OR8B2: variants seen among roughly 807,000 people sequenced by gnomAD.
The protein encoded by OR8B2 is olfactory receptor family 8 subfamily B member 2, also known as olfactory receptor 8B2.
For missense variants in OR8B2, 304 were observed against 379.6 expected (o/e 0.80, Z 1.65); for synonymous variants, 98 against 138.2 (o/e 0.71, Z 2.04).
At chr11:124,390,608 AT>A in the OR8B2 span, among the ~76,000 whole-genome samples, 1 of 152,138 alleles carries the variant, frequency 6.6e-6, no homozygotes, top group Non-Finnish European at 1.5e-5. Flanking sequence ...ATTAAATGGT[AT>A]TTTTTGATAT....
chr11:124,386,223 T>A (rs1393047175), upstream of OR8B2, among the ~76,000 whole-genome samples: 1 of 151,910 alleles, frequency 6.6e-6, no homozygotes, highest in Admixed American at 6.6e-5. Flanking sequence ...TATATATTTA[T>A]TTATTTTTTT....
chr11:124,389,386 C>T (rs895121024), upstream of OR8B2, among the ~76,000 whole-genome samples: 2 of 152,062 alleles, frequency 1.3e-5, no homozygotes, highest in African/African-American at 2.4e-5. Context: ...GGGGTTCTTT[C>T]CATTTAAGTG....
Position 124,383,331 on chromosome 11 carries a change from T to G in OR8B2, c.13A>C (p.Asn5His). Reference sequence around the variant, plus strand: ...ATAAATTCAGTCACTAAGGAGTTGTTTCTAGCCAGCATTTTTTGTCTTCAA... The same window carrying G: ...ATAAATTCAGTCACTAAGGAGTTGTGTCTAGCCAGCATTTTTTGTCTTCAA... MLAR[N>H]NSLVTEFILA... The change falls in exon 2 of 2, where the codon AAC (asparagine) becomes CAC (histidine). Residue 5 changes from asparagine (N) to histidine (H), a missense_variant. Coordinates refer to ENST00000641451, the MANE Select transcript of OR8B2 (RefSeq NM_001005468.2). 2.5e-6 allele frequency: 4 copies of G among 1,590,286 alleles called. No homozygotes were observed. The highest frequency in any genetic ancestry group is 3.4e-6 in the Non-Finnish European group (4 of 1,171,594).
At chr11:124,386,353 C>A (rs985669470), upstream of OR8B2, among the ~76,000 whole-genome samples, 2 of 145,044 alleles carry the variant, frequency 1.4e-5, no homozygotes, top group African/African-American at 5.2e-5. Flanking sequence ...GTGTGCTGCA[C>A]CCATTAACTC....
At chr11:124,391,092 T>G in the OR8B2 span, among the ~76,000 whole-genome samples, 4 of 152,186 alleles carry the variant, frequency 2.6e-5, no homozygotes, top group Non-Finnish European at 5.9e-5. Context: ...CTCATAGACT[T>G]GTTCACCTGT....
chr11:124,385,230 T>C (rs480634), upstream of OR8B2, among the ~76,000 whole-genome samples: 49,515 of 152,050 alleles, frequency 0.33, 8,114 homozygotes, highest in South Asian at 0.39. Flanking sequence ...GCCCTCATTT[T>C]AAGACAGTAT....
chr11:124,397,267 A>C, the OR8B2 span: 1 of 1,417,170 alleles, frequency 7.1e-7, no homozygotes, highest in Admixed American at 1.8e-5. Flanking sequence ...AGAAACAGGA[A>C]AAAGAGGGGT....
upstream of OR8B2, among the ~76,000 whole-genome samples, chr11:124,389,379 G>A (rs1198662540): frequency 1.3e-5 from 2 of 152,266 alleles, no homozygotes; most frequent in East Asian, 3.9e-4. Context: ...GTACATTGGG[G>A]TTCTTTCCAT....
chr11:124,389,663 GA>G, the OR8B2 span, among the ~76,000 whole-genome samples: 1 of 152,154 alleles, frequency 6.6e-6, no homozygotes, highest in Non-Finnish European at 1.5e-5. Context: ...TTTTGGCAGA[GA>G]AAAACTATAG....
upstream of OR8B2, among the ~76,000 whole-genome samples, chr11:124,388,330 C>G (rs1013946349): frequency 1.9e-4 from 29 of 151,670 alleles, 1 homozygote; most frequent in South Asian, 1.1e-3. Context: ...GCATCCCTGT[C>G]TTGTGCCAGT....
chr11:124,394,008 A>C, the OR8B2 span, among the ~76,000 whole-genome samples: 1 of 150,146 alleles, frequency 6.7e-6, no homozygotes, highest in African/African-American at 2.5e-5. Flanking sequence ...CGCAAGAACA[A>C]AAAACCAAAC....
chr11:124,385,258 G>T (rs1370937886), upstream of OR8B2, among the ~76,000 whole-genome samples: 1 of 152,018 alleles, frequency 6.6e-6, no homozygotes, highest in Non-Finnish European at 1.5e-5. Context: ...GAATTTCCCG[G>T]TAGGTAGGAA....
At chr11:124,386,069 C>A (rs973033947), upstream of OR8B2, among the ~76,000 whole-genome samples, 15 of 151,996 alleles carry the variant, frequency 9.9e-5, no homozygotes, top group African/African-American at 3.6e-4. Flanking sequence ...TCTTGGTTTT[C>A]CCAGTTCTAT....
At chr11:124,388,787 A>G (rs57713498), upstream of OR8B2, among the ~76,000 whole-genome samples, 1,046 of 149,010 alleles carry the variant, frequency 7.0e-3, 9 homozygotes, top group African/African-American at 0.025. Flanking sequence ...TGAAACTTGT[A>G]CCTCCTTTAG....
At chr11:124,390,364 G>T in the OR8B2 span, among the ~76,000 whole-genome samples, 2 of 152,138 alleles carry the variant, frequency 1.3e-5, no homozygotes, top group Admixed American at 6.6e-5. Flanking sequence ...TAGGACAGGG[G>T]TGTCCAATCT....
At chr11:124,386,578 G>T (rs1860704327), upstream of OR8B2, among the ~76,000 whole-genome samples, 1 of 150,748 alleles carries the variant, frequency 6.6e-6, no homozygotes, top group African/African-American at 2.5e-5. Context: ...CCCTACAAAG[G>T]ACATGAACTC....
upstream of OR8B2, among the ~76,000 whole-genome samples, chr11:124,388,982 C>T (rs614493): frequency 0.33 from 49,778 of 151,830 alleles, 8,229 homozygotes; most frequent in African/African-American, 0.4. Flanking sequence ...CGTGCCGCCA[C>T]GCCTGGCTAA....
At position 124,384,443 on chromosome 11, in the gene OR8B2, A is replaced by G. The variant is rs1860660359; in HGVS notation, c.-87T>C. ...TTCACCTCCACTGCCCTGGAGGTAG[A>G]ACTGGTGGTGAAGGTATCTACGTTG... is the stretch of plus-strand genomic sequence containing the variant. On this transcript the variant is annotated 5_prime_UTR_variant, in exon 1 of 2. Transcript: ENST00000641451. 1 of 152,214 alleles carries G rather than the reference A, an allele frequency of 6.6e-6. No homozygotes were observed. The highest frequency in any genetic ancestry group is 2.1e-4 in the South Asian group (1 of 4,830). 9.4% of individuals were successfully genotyped at this position (152,214 alleles called of 1,614,324 possible).
At chr11:124,386,081 A>G (rs1288404859), upstream of OR8B2, among the ~76,000 whole-genome samples, 2 of 151,932 alleles carry the variant, frequency 1.3e-5, no homozygotes, top group African/African-American at 4.8e-5. Context: ...CAGTTCTATC[A>G]TAGGGTCAGA....
Sources: allele counts gnomAD v4.1 joint callset (sites outside exome capture counted in the v4.1 genomes callset), GRCh38; gene constraint gnomAD v4.1.1; transcripts MANE v1.5; gene names NCBI Gene and HGNC (gene_info 2026-07-23, HGNC 2026-07-21).